EZH1: variants seen among roughly 807,000 people sequenced by gnomAD.
EZH1 encodes enhancer of zeste 1 polycomb repressive complex 2 subunit.
EZH1 carries 33 observed loss-of-function variants against 100.5 expected under a neutral mutation model. The ratio of observed to expected loss-of-function variants is 0.33; its 90% CI spans 0.25 to 0.44. The LOEUF (loss-of-function observed/expected upper bound fraction) is 0.44, where lower values mean the gene tolerates loss of function less well. EZH1 is among the 20% of genes least tolerant of loss of function. The pLI, the probability that EZH1 is intolerant of heterozygous loss-of-function variation, is 1.00. For missense variants in EZH1, 475 were observed against 928.4 expected (o/e 0.51, Z 6.35); for synonymous variants, 272 against 313.8 (o/e 0.87, Z 1.41).
chr17:42,738,284 G>A (rs2054105969), intron 1 of EZH1, among the ~76,000 whole-genome samples: 1 of 151,588 alleles, frequency 6.6e-6, no homozygotes, highest in Non-Finnish European at 1.5e-5. Context: ...TACATAAGGT[G>A]TCCCTTTGCA....
At chr17:42,744,075 C>T (rs2054230639) in intron 1 of EZH1, among the ~76,000 whole-genome samples, 1 of 152,140 alleles carries the variant, frequency 6.6e-6, no homozygotes, top group African/African-American at 2.4e-5. Flanking sequence ...CCTCCCCTGC[C>T]AAGCGTCAGG....
At chr17:42,711,684 C>T (rs968094843) in intron 12 of EZH1, among the ~76,000 whole-genome samples, 1 of 150,330 alleles carries the variant, frequency 6.7e-6, no homozygotes, top group Non-Finnish European at 1.5e-5. Flanking sequence ...CTGGCCTGCA[C>T]CTGTAGTCCC....
chr17:42,734,337 G>A (rs1323641424), intron 1 of EZH1, among the ~76,000 whole-genome samples: 2 of 152,200 alleles, frequency 1.3e-5, no homozygotes, highest in African/African-American at 2.4e-5. Flanking sequence ...ACCGCGCCTG[G>A]CCAAAATAAT....
chr17:42,727,030 A>C (rs2053834505), intron 4 of EZH1, among the ~76,000 whole-genome samples: 1 of 151,404 alleles, frequency 6.6e-6, no homozygotes, highest in Non-Finnish European at 1.5e-5. Context: ...TTGTATTTTT[A>C]GTAGAGACAG....
At chr17:42,736,738 C>G (rs2054071989) in intron 1 of EZH1, among the ~76,000 whole-genome samples, 1 of 151,052 alleles carries the variant, frequency 6.6e-6, no homozygotes, top group Non-Finnish European at 1.5e-5. Context: ...GAGGCTGAGG[C>G]AGGAGAATCG....
chr17:42,706,202 G>T lies in EZH1; in HGVS notation c.1661-17C>A. 2 of 1,599,304 alleles carry T rather than the reference G, an allele frequency of 1.3e-6. No individual in the cohort carries two copies. The highest frequency in any genetic ancestry group is 1.1e-5 in the South Asian group (1 of 88,880). On this transcript the variant is annotated splice_polypyrimidine_tract_variant and intron_variant, in intron 15 of 20. Transcript: ENST00000428826. This position sits in a 1 kb window ranked among gnomAD's most constrained non-coding sequence, Gnocchi z 4.4. ...GATTCTGACCTGGGAAGGGAAGACA[G>T]GTAAGTCTTAGAAGGGAAATAAGCT...
intron 1 of EZH1, among the ~76,000 whole-genome samples, chr17:42,743,770 T>C (rs1251932476): frequency 6.6e-6 from 1 of 151,846 alleles, no homozygotes; most frequent in East Asian, 1.9e-4. Flanking sequence ...CAGTCTAAAG[T>C]ACTTATCTCC....
rs1162687116 is a variant in EZH1 at position 42,713,265 on chromosome 17, G to A, written c.1148C>T (p.Thr383Ile). The A allele has an allele frequency of 3.1e-6, 5 of 1,613,912 alleles. No homozygotes were observed. Among genetic ancestry groups the A allele is most frequent in the Non-Finnish European group, 4.2e-6 (5 of 1,179,998 alleles). The change falls in exon 11 of 21, where the codon ACT becomes ATT. Residue 383 changes from threonine to isoleucine, a missense_variant. Around this residue, in one of 8 missense-constraint regions of EZH1, gnomAD observed 180 missense variants for 295.3 expected, o/e 0.61. Coordinates refer to ENST00000428826, the MANE Select transcript of EZH1 (RefSeq NM_001991.5). ...SNASASAVAE[T>I]KEGDSDRDTG... ...GTCCCTGTCACTGTCTCCTTCTTTA[G>A]TCTCAGCCACAGCAGAGGCTGAGGC... is the stretch of plus-strand genomic sequence containing the variant.
At chr17:42,740,631 T>C (rs2054159358) in intron 1 of EZH1, among the ~76,000 whole-genome samples, 1 of 152,148 alleles carries the variant, frequency 6.6e-6, no homozygotes, top group Non-Finnish European at 1.5e-5. Context: ...ATTACAGACA[T>C]GAGCCACCGT....
intron 17 of EZH1, 85 bp from the exon 18 acceptor site, chr17:42,704,768 T>C: frequency 9.9e-7 from 1 of 1,014,170 alleles, no homozygotes; most frequent in Non-Finnish European, 1.5e-6. Flanking sequence ...GGCTGGGTGG[T>C]ATCTCACATG....
chr17:42,717,625 T>C (rs1361949641), intron 10 of EZH1, among the ~76,000 whole-genome samples: 1 of 152,180 alleles, frequency 6.6e-6, no homozygotes, highest in Admixed American at 6.5e-5. Flanking sequence ...CTCATAGTTA[T>C]ATGCATTTAT....
At chr17:42,704,097 C>G (rs1036772677) in intron 18 of EZH1, among the ~76,000 whole-genome samples, 2 of 152,178 alleles carry the variant, frequency 1.3e-5, no homozygotes, top group African/African-American at 2.4e-5. Context: ...CTATTACAAA[C>G]AGAACCCAGA....
intron 4 of EZH1, among the ~76,000 whole-genome samples, chr17:42,726,859 A>G (rs531559655): frequency 5.3e-5 from 8 of 150,760 alleles, no homozygotes; most frequent in Admixed American, 3.3e-4. Flanking sequence ...ATTATTTATT[A>G]TTTTTTTTGA....
chr17:42,735,911 G>C (rs2054056178), intron 1 of EZH1, among the ~76,000 whole-genome samples: 1 of 152,158 alleles, frequency 6.6e-6, no homozygotes, highest in Non-Finnish European at 1.5e-5. Context: ...CTTAAACCCA[G>C]GAGGCAGAGG....
At chr17:42,702,747 G>GAC (rs1218819927) in intron 20 of EZH1, 130 bp downstream of exon 20, 2 of 1,270,976 alleles carry the variant, frequency 1.6e-6, no homozygotes, top group Admixed American at 1.7e-5. Flanking sequence ...CAGAACAAGG[G>GAC]ACACAGCCTT....
Position 42,706,301 on chromosome 17 carries a change from A to G in EZH1, c.1661-116T>C. On this transcript the variant is annotated intron_variant, in intron 15 of 20. Transcript: ENST00000428826. This position sits in a 1 kb window ranked among gnomAD's most constrained non-coding sequence, Gnocchi z 4.4. Reference sequence around the variant, plus strand: ...TTTGTGTTCAAGGATGTTTGGCAAAATAAGAGGAAGCTCCCTTCCCAATAA... The same window carrying G: ...TTTGTGTTCAAGGATGTTTGGCAAAGTAAGAGGAAGCTCCCTTCCCAATAA... The G allele has an allele frequency of 1.1e-6, 1 of 894,340 alleles. No individual in the cohort carries two copies. The highest frequency in any genetic ancestry group is 2.7e-5 in the East Asian group (1 of 36,440). 55.4% of individuals were successfully genotyped at this position (894,340 alleles called of 1,614,324 possible).
intron 16 of EZH1, 69 bp downstream of exon 16, chr17:42,705,938 A>T (rs2053344758): frequency 1.4e-6 from 2 of 1,415,558 alleles, no homozygotes; most frequent in Non-Finnish European, 9.4e-7. Flanking sequence ...GTGGAAAGAG[A>T]ATGCTTGGGA....
intron 2 of EZH1, among the ~76,000 whole-genome samples, chr17:42,729,825 G>A (rs556993221): frequency 6.6e-6 from 1 of 151,800 alleles, no homozygotes; most frequent in Non-Finnish European, 1.5e-5. Flanking sequence ...GGATCACGAG[G>A]TCAGGAGTTC....
Position 42,738,155 on chromosome 17 carries a change from G to A in EZH1, c.-103+6856C>T, listed in dbSNP as rs568108443. On this transcript the variant is annotated intron_variant, in intron 1 of 20. Transcript: ENST00000428826. ...GGTGCCACTGAACTCCAGCCTGGGC[G>A]ACAGAGCAAGACTCTGTCTCAAAAA... 1.4e-4 allele frequency among the ~76,000 whole-genome samples: 19 copies of A among 135,486 alleles called. 1 individual carries two copies. The East Asian group carries it at 3.6e-3, about 26-fold the overall frequency. The allele number at this position is 135,486 out of a possible 152,430, so 88.9% of individuals were successfully genotyped here. A position where few individuals can be genotyped will look rare whatever the true frequency, so the allele number is the denominator to read the frequency against.
Sources: gnomAD v4.1 joint callset for allele counts (sites outside exome capture counted in the v4.1 genomes callset) on GRCh38, gnomAD v4.1.1 for gene constraint, gnomAD v4.1.1 regional missense constraint, Gnocchi (gnomAD v3.1) non-coding constraint, MANE v1.5 for transcripts, NCBI Gene and HGNC (gene_info 2026-07-23, HGNC 2026-07-21) for gene names.